The following MSRA variants were observed in gnomAD, a reference collection of about 807,000 sequenced individuals.
MSRA encodes methionine sulfoxide reductase A.
A neutral mutation model predicts 31.3 loss-of-function variants in MSRA; 54 were observed. The ratio of observed to expected loss-of-function variants is 1.73; its 90% confidence interval spans 1.39 to 2.17. The LOEUF is 2.17. Ranked by LOEUF, MSRA falls within the 30% of genes most tolerant of loss-of-function variation. The pLI is 0.00. For missense variants in MSRA, 507 were observed against 300.9 expected, an observed-to-expected ratio of 1.69 and a Z score of -5.07; for synonymous variants, 169 against 116.5, an observed-to-expected ratio of 1.45 and a Z score of -2.90.
At chr8:10,082,989 A>G (rs1340812751) in intron 1 of MSRA, among the ~76,000 whole-genome samples, 1 of 152,224 alleles carries the variant, frequency 6.6e-6, no homozygotes, top group African/African-American at 2.4e-5. Context: ...GCCAAAAATA[A>G]CACAGATGAG....
At chr8:10,364,641 T>C (rs1159378835) in intron 5 of MSRA, among the ~76,000 whole-genome samples, 2 of 152,234 alleles carry the variant, frequency 1.3e-5, no homozygotes, top group Non-Finnish European at 2.9e-5. Flanking sequence ...TGGTTTGCAG[T>C]GTGAGTGACC....
intron 5 of MSRA, among the ~76,000 whole-genome samples, chr8:10,422,899 C>G (rs986262433): frequency 3.9e-5 from 6 of 152,226 alleles, no homozygotes; most frequent in African/African-American, 1.4e-4. Context: ...AACTCATTCT[C>G]CATCCCCAAA....
At chr8:10,261,104 T>A (rs1212891110) in intron 3 of MSRA, among the ~76,000 whole-genome samples, 1 of 152,160 alleles carries the variant, frequency 6.6e-6, no homozygotes, top group Non-Finnish European at 1.5e-5. Context: ...TTGCTAGATA[T>A]ATTTAGGTTG....
intron 3 of MSRA, among the ~76,000 whole-genome samples, chr8:10,293,895 C>G (rs943462082): frequency 3.9e-5 from 6 of 152,158 alleles, no homozygotes; most frequent in African/African-American, 1.2e-4. Flanking sequence ...GGTTCACAAC[C>G]TTTCCTTAAC....
chr8:10,087,062 G>C (rs1047754444), intron 1 of MSRA, among the ~76,000 whole-genome samples: 2 of 152,144 alleles, frequency 1.3e-5, no homozygotes, highest in Admixed American at 6.5e-5. Context: ...GATTTTGGGA[G>C]ATGTTTCAAT....
chr8:10,309,466 T>G (rs918342317), intron 4 of MSRA, among the ~76,000 whole-genome samples: 2 of 152,248 alleles, frequency 1.3e-5, no homozygotes, highest in African/African-American at 4.8e-5. Flanking sequence ...ATTTGTCTGC[T>G]TGTTCTCTAT....
At chr8:10,225,167 C>G (rs1810883359) in intron 2 of MSRA, among the ~76,000 whole-genome samples, 1 of 152,160 alleles carries the variant, frequency 6.6e-6, no homozygotes, top group Admixed American at 6.5e-5. Flanking sequence ...ATGCATACAA[C>G]TTCTCACCCA....
intron 5 of MSRA, among the ~76,000 whole-genome samples, chr8:10,371,714 T>G (rs549397702): frequency 1.3e-5 from 2 of 152,146 alleles, no homozygotes; most frequent in African/African-American, 4.8e-5. Flanking sequence ...CTGCCTTCTT[T>G]GTGGTCGGTG....
intron 2 of MSRA, among the ~76,000 whole-genome samples, chr8:10,241,429 A>G (rs1175039519): frequency 6.6e-6 from 1 of 152,148 alleles, no homozygotes; most frequent in Non-Finnish European, 1.5e-5. Context: ...TTAAATGAAT[A>G]TGTTTGTGAT....
intron 5 of MSRA, among the ~76,000 whole-genome samples, chr8:10,393,059 C>CT (rs1261848903): frequency 3.6e-5 from 2 of 55,650 alleles, no homozygotes; most frequent in Non-Finnish European, 7.6e-5. Context: ...GAGACTCCGT[C>CT]TCAAAAAAAA....
chr8:10,186,779 A>G (rs1807094109), intron 1 of MSRA, among the ~76,000 whole-genome samples: 1 of 152,196 alleles, frequency 6.6e-6, no homozygotes, highest in African/African-American at 2.4e-5. Flanking sequence ...TCTGCCTAAC[A>G]TAACGTTAGT....
rs959783478 is a variant in MSRA at position 10,283,216 on chromosome 8, A to G, written c.332-18318A>G. On this transcript the variant is annotated intron_variant, in intron 3 of 5. Coordinates refer to ENST00000317173, the MANE Select transcript of MSRA (RefSeq NM_012331.5). ...TTGTTGCAGAAGTTACCATTCCAAT[A>G]CACCATGCAAGATGCATTCAGACGT... is the stretch of plus-strand genomic sequence containing the variant. Among the ~76,000 whole-genome samples the G allele has an allele frequency of 3.5e-5, 5 of 144,740 alleles. No homozygotes were observed. In the Admixed American group the frequency reaches 3.5e-4, roughly 10 times the overall value. The allele number at this position is 144,740 out of a possible 152,430, so 95.0% of individuals were successfully genotyped here. A position where few individuals can be genotyped will look rare whatever the true frequency, so the allele number is the denominator to read the frequency against.
intron 5 of MSRA, among the ~76,000 whole-genome samples, chr8:10,358,497 CAGA>C (rs1317781230): frequency 6.9e-6 from 1 of 144,192 alleles, no homozygotes; most frequent in Non-Finnish European, 1.5e-5. Context: ...CCTGGTTGCA[CAGA>C]AGGAGGTGAG....
intron 5 of MSRA, among the ~76,000 whole-genome samples, chr8:10,350,205 T>A (rs1377572406): frequency 2.0e-5 from 3 of 152,262 alleles, no homozygotes; most frequent in African/African-American, 7.2e-5. Context: ...TTCTGATGCT[T>A]CTCACAAAGA....
intron 1 of MSRA, among the ~76,000 whole-genome samples, chr8:10,159,852 A>G (rs1490073647): frequency 1.3e-5 from 2 of 152,216 alleles, no homozygotes; most frequent in African/African-American, 2.4e-5. Context: ...AGTGGTTCCT[A>G]CAGGTTTTTA....
chr8:10,288,825 A>G (rs1016788350), intron 3 of MSRA, among the ~76,000 whole-genome samples: 20 of 152,182 alleles, frequency 1.3e-4, no homozygotes, highest in Non-Finnish European at 1.0e-4. Flanking sequence ...ATATGTTACC[A>G]CCATATACAC....
chr8:10,407,442 C>T (rs1807888039), intron 5 of MSRA, among the ~76,000 whole-genome samples: 1 of 152,140 alleles, frequency 6.6e-6, no homozygotes, highest in South Asian at 2.1e-4. Context: ...ATTTGTGAAC[C>T]ATTCTGGATG....
chr8:10,303,026 C>A (rs538539406), intron 4 of MSRA, among the ~76,000 whole-genome samples: 14 of 152,226 alleles, frequency 9.2e-5, no homozygotes, highest in Non-Finnish European at 1.9e-4. Context: ...CCAGTCGCTC[C>A]TTCTGGTAAG....
chr8:10,221,536 T>C (rs770355105), intron 2 of MSRA, among the ~76,000 whole-genome samples: 28 of 152,142 alleles, frequency 1.8e-4, no homozygotes, highest in Non-Finnish European at 3.5e-4. Context: ...TACTAGTTAA[T>C]GGCAGAACTA....
Sources: gnomAD v4.1 joint callset for allele counts (sites outside exome capture counted in the v4.1 genomes callset) on GRCh38, gnomAD v4.1.1 for gene constraint, MANE v1.5 for transcripts, NCBI Gene and HGNC (gene_info 2026-07-23, HGNC 2026-07-21) for gene names.